RAD51B: variants seen among roughly 807,000 people sequenced by gnomAD.
The protein encoded by RAD51B is RAD51 paralog B.
RAD51B carries 38 observed loss-of-function variants against 42.2 expected under a neutral mutation model. The ratio of observed to expected loss-of-function variants is 0.90; its 90% CI spans 0.70 to 1.18. The LOEUF is 1.18. RAD51B is among the 50% of genes most tolerant of loss of function. The pLI, the probability that RAD51B is intolerant of heterozygous loss-of-function variation, is 0.00. For missense variants in RAD51B, 373 were observed against 400.7 expected, an observed-to-expected ratio of 0.93 and a Z score of 0.59; for synonymous variants, 154 against 145.2, an observed-to-expected ratio of 1.06 and a Z score of -0.43.
intron 7 of RAD51B, among the ~76,000 whole-genome samples, chr14:68,165,369 G>A (rs183479718): frequency 3.3e-4 from 51 of 152,264 alleles, no homozygotes; most frequent in African/African-American, 1.2e-3. Context: ...GGACTACATA[G>A]TGGCATGCAA....
At chr14:68,423,704 T>A (rs1192803510) in intron 9 of RAD51B, among the ~76,000 whole-genome samples, 2 of 152,072 alleles carry the variant, frequency 1.3e-5, no homozygotes, top group Admixed American at 6.5e-5. Context: ...TGCAGAACAA[T>A]TTTTTTTCAA....
intron 7 of RAD51B, among the ~76,000 whole-genome samples, chr14:68,204,443 T>A (rs550803143): frequency 4.6e-5 from 7 of 152,190 alleles, no homozygotes; most frequent in Non-Finnish European, 1.0e-4. Flanking sequence ...AGATCACTGA[T>A]CACAGGTCAC....
intron 11 of RAD51B, among the ~76,000 whole-genome samples, chr14:68,652,018 C>T (rs1892711094): frequency 6.6e-6 from 1 of 152,192 alleles, no homozygotes; most frequent in African/African-American, 2.4e-5. Context: ...GCTCAGTAAA[C>T]ACCATCACTC....
chr14:68,524,383 A>G (rs1334878230), intron 10 of RAD51B, among the ~76,000 whole-genome samples: 1 of 152,242 alleles, frequency 6.6e-6, no homozygotes, highest in East Asian at 1.9e-4. Context: ...AAATCTATGG[A>G]CAGAGTAAAC....
intron 8 of RAD51B, among the ~76,000 whole-genome samples, chr14:68,298,502 TTGTG>T (rs2081656249): frequency 1.3e-5 from 2 of 152,310 alleles, no homozygotes; most frequent in South Asian, 4.1e-4. Flanking sequence ...TTGAGGTAGT[TTGTG>T]TGGGAGTTGG....
At chr14:68,071,502 G>C (rs537330885) in intron 7 of RAD51B, among the ~76,000 whole-genome samples, 1 of 152,062 alleles carries the variant, frequency 6.6e-6, no homozygotes. Context: ...CTTTCTTGCG[G>C]CTATTGAGAT....
chr14:68,172,311 C>T (rs1357205348), intron 7 of RAD51B, among the ~76,000 whole-genome samples: 2 of 152,140 alleles, frequency 1.3e-5, no homozygotes, highest in African/African-American at 2.4e-5. Context: ...GTATTTGTCC[C>T]GTCCTTACTG....
chr14:68,391,181 TC>T (rs1281108871), intron 8 of RAD51B, among the ~76,000 whole-genome samples: 32 of 147,918 alleles, frequency 2.2e-4, no homozygotes, highest in African/African-American at 7.6e-4. Context: ...TTTCTTTCTT[TC>T]TTCTTTCCTT....
intron 8 of RAD51B, among the ~76,000 whole-genome samples, chr14:68,318,745 G>A (rs2082107570): frequency 2.6e-5 from 4 of 152,262 alleles, no homozygotes; most frequent in Admixed American, 2.0e-4. Flanking sequence ...CTTAAGCCCC[G>A]AAGGTTAATT....
At chr14:68,288,687 A>C (rs1209912482) in intron 7 of RAD51B, among the ~76,000 whole-genome samples, 1 of 152,210 alleles carries the variant, frequency 6.6e-6, no homozygotes, top group Non-Finnish European at 1.5e-5. Context: ...TGAATTTGTA[A>C]GTTTCTGGAG....
At chr14:68,646,055 G>T (rs1892558322) in intron 10 of RAD51B, among the ~76,000 whole-genome samples, 3 of 143,966 alleles carry the variant, frequency 2.1e-5, no homozygotes, top group South Asian at 2.2e-4. Context: ...TTCAAAGTTT[G>T]CTAGGCATCT....
chr14:68,477,897 G>T lies in RAD51B; in HGVS notation c.*233G>T. On this transcript the variant is annotated 3_prime_UTR_variant, in exon 11 of 11. Transcript: ENST00000471583. ...AGGTCTCTAGATGTGTAGGGCTGAG[G>T]GCTTTGCCGCCATGGGATGTCAACA... The T allele has an allele frequency of 7.6e-7, 1 of 1,320,606 alleles. No individual in the cohort carries two copies. Among genetic ancestry groups the T allele is most frequent in the Non-Finnish European group, 9.7e-7 (1 of 1,035,982 alleles). The allele number at this position is 1,320,606 out of a possible 1,614,324, so 81.8% of individuals were successfully genotyped here.
intron 7 of RAD51B, among the ~76,000 whole-genome samples, chr14:68,001,988 A>T (rs929266463): frequency 3.9e-5 from 6 of 152,160 alleles, no homozygotes; most frequent in African/African-American, 1.2e-4. Flanking sequence ...GCTATTGTGT[A>T]TAGTGGTGCA....
At chr14:68,224,977 C>T (rs751878679) in intron 7 of RAD51B, among the ~76,000 whole-genome samples, 47 of 152,110 alleles carry the variant, frequency 3.1e-4, no homozygotes, top group Non-Finnish European at 5.9e-4. Flanking sequence ...AGATGTGAGC[C>T]ACTGCGCCCG....
At chr14:68,672,026 G>A (rs865802125) in intron 11 of RAD51B, among the ~76,000 whole-genome samples, 1 of 152,136 alleles carries the variant, frequency 6.6e-6, no homozygotes, top group South Asian at 2.1e-4. Context: ...GACCATAAAC[G>A]CAAAGCCAGA....
At chr14:67,859,206 G>C (rs1210992724) in intron 4 of RAD51B, among the ~76,000 whole-genome samples, 1 of 152,090 alleles carries the variant, frequency 6.6e-6, no homozygotes, top group East Asian at 1.9e-4. Context: ...CAACATACTG[G>C]GATGAATTAT....
chr14:68,161,039 T>C (rs1043425424), intron 7 of RAD51B, among the ~76,000 whole-genome samples: 4 of 152,250 alleles, frequency 2.6e-5, no homozygotes, highest in African/African-American at 9.6e-5. Context: ...TATCGTTGTG[T>C]TTGTTTTGAT....
chr14:68,396,413 A>G (rs2083924732), intron 8 of RAD51B, among the ~76,000 whole-genome samples: 1 of 152,226 alleles, frequency 6.6e-6, no homozygotes, highest in Non-Finnish European at 1.5e-5. Flanking sequence ...TTGCAGAGTG[A>G]ACACTGATAA....
chr14:67,990,443 CT>C (rs1207476933), intron 7 of RAD51B, among the ~76,000 whole-genome samples: 1 of 152,086 alleles, frequency 6.6e-6, no homozygotes, highest in Non-Finnish European at 1.5e-5. Flanking sequence ...AACTTTGTTT[CT>C]TTTTGCCATA....
Sources: allele counts gnomAD v4.1 joint callset (sites outside exome capture counted in the v4.1 genomes callset), GRCh38; gene constraint gnomAD v4.1.1; transcripts MANE v1.5; gene names NCBI Gene and HGNC (gene_info 2026-07-23, HGNC 2026-07-21).